The following PTPRD variants were observed in gnomAD, a reference collection of about 807,000 sequenced individuals.
The protein encoded by PTPRD is protein tyrosine phosphatase receptor type D.
PTPRD carries 34 observed loss-of-function variants against 214.5 expected under a neutral mutation model. The observed-to-expected ratio is 0.16, with a 90% CI of 0.12 to 0.21. The LOEUF (loss-of-function observed/expected upper bound fraction) is 0.21, where lower values mean the gene tolerates loss of function less well. Among genes scored for constraint, PTPRD ranks in the 10% least tolerant of loss-of-function variants. PTPRD has a pLI of 1.00. For missense variants in PTPRD, 2,545 were observed against 2,398.7 expected, an observed-to-expected ratio of 1.06 and a Z score of -1.27; for synonymous variants, 1,128 against 845.7, an observed-to-expected ratio of 1.33 and a Z score of -5.79.
chr9:9,494,562 T>C (rs2096082068), intron 8 of PTPRD, among the ~76,000 whole-genome samples: 1 of 152,356 alleles, frequency 6.6e-6, no homozygotes, highest in Middle Eastern at 3.4e-3. Flanking sequence ...GTTGTACTTT[T>C]ATACACTAAC....
At chr9:10,107,019 C>T (rs553935915) in intron 3 of PTPRD, among the ~76,000 whole-genome samples, 49 of 151,794 alleles carry the variant, frequency 3.2e-4, no homozygotes, top group African/African-American at 9.7e-4. Flanking sequence ...AGGAAGAAAT[C>T]GATGATGACA....
chr9:9,789,660 G>C (rs1428808947), intron 5 of PTPRD, among the ~76,000 whole-genome samples: 2 of 151,724 alleles, frequency 1.3e-5, no homozygotes, highest in African/African-American at 4.8e-5. Context: ...AGCTGGGCGT[G>C]GTGGTGGGCG....
At chr9:9,961,854 A>C (rs1364046016) in intron 4 of PTPRD, among the ~76,000 whole-genome samples, 1 of 152,180 alleles carries the variant, frequency 6.6e-6, no homozygotes, top group East Asian at 1.9e-4. Flanking sequence ...TATGTCTCTT[A>C]TTAGTCATGG....
chr9:8,857,565 G>A (rs971419646), intron 11 of PTPRD: 3 of 152,500 alleles, frequency 2.0e-5, no homozygotes, highest in Non-Finnish European at 2.9e-5. Flanking sequence ...GCCGGAGCCG[G>A]GCGCAGGGCG....
At chr9:9,361,457 C>T (rs562872918) in intron 9 of PTPRD, among the ~76,000 whole-genome samples, 1 of 151,098 alleles carries the variant, frequency 6.6e-6, no homozygotes, top group South Asian at 2.1e-4. Context: ...TACCTGATTA[C>T]CTTGTTCATA....
At chr9:8,914,844 G>A (rs2098773437) in intron 11 of PTPRD, among the ~76,000 whole-genome samples, 1 of 151,994 alleles carries the variant, frequency 6.6e-6, no homozygotes, top group African/African-American at 2.4e-5. Context: ...AACATTTACT[G>A]GATTTTATTA....
intron 3 of PTPRD, among the ~76,000 whole-genome samples, chr9:10,038,746 T>G (rs1189802133): frequency 5.9e-5 from 9 of 152,092 alleles, no homozygotes; most frequent in Non-Finnish European, 2.9e-5. Context: ...TATTTTTCTT[T>G]TATTCATCTA....
At chr9:10,318,265 G>A (rs1027290452) in intron 3 of PTPRD, among the ~76,000 whole-genome samples, 3 of 152,012 alleles carry the variant, frequency 2.0e-5, no homozygotes, top group African/African-American at 4.8e-5. Flanking sequence ...CACATAACAA[G>A]AAGTCAGAAG....
At chr9:9,514,404 C>T (rs2096784989) in intron 8 of PTPRD, among the ~76,000 whole-genome samples, 1 of 152,014 alleles carries the variant, frequency 6.6e-6, no homozygotes, top group Non-Finnish European at 1.5e-5. Context: ...GTGTGTAAAA[C>T]ACTAAACAGA....
intron 10 of PTPRD, among the ~76,000 whole-genome samples, chr9:9,182,354 T>C (rs2131462045): frequency 6.6e-6 from 1 of 152,126 alleles, no homozygotes; most frequent in East Asian, 1.9e-4. Context: ...TTCTTTAAAC[T>C]GAGGATGCAA....
chr9:10,319,650 A>G (rs1015801433), intron 3 of PTPRD, among the ~76,000 whole-genome samples: 1 of 152,058 alleles, frequency 6.6e-6, no homozygotes, highest in Admixed American at 6.6e-5. Flanking sequence ...TACAGGATTG[A>G]AAATGAATGA....
intron 10 of PTPRD, among the ~76,000 whole-genome samples, chr9:9,172,946 T>C (rs552255771): frequency 6.6e-6 from 1 of 152,300 alleles, no homozygotes; most frequent in African/African-American, 2.4e-5. Context: ...AAAGATCATC[T>C]TCTGTTCAGA....
At chr9:8,495,392 A>C (rs2097240888) in intron 26 of PTPRD, among the ~76,000 whole-genome samples, 1 of 152,168 alleles carries the variant, frequency 6.6e-6, no homozygotes, top group African/African-American at 2.4e-5. Flanking sequence ...CTACTGCCTC[A>C]ACTCTGTTGC....
At chr9:10,280,829 G>A (rs2095062102) in intron 3 of PTPRD, among the ~76,000 whole-genome samples, 1 of 151,834 alleles carries the variant, frequency 6.6e-6, no homozygotes, top group Non-Finnish European at 1.5e-5. Context: ...TGTCCAGGCT[G>A]GTCTTGAACT....
intron 9 of PTPRD, among the ~76,000 whole-genome samples, chr9:9,257,824 A>C (rs1326227823): frequency 1.3e-5 from 2 of 151,832 alleles, no homozygotes; most frequent in African/African-American, 4.8e-5. Context: ...GAAAATGCCA[A>C]CTCTATGCAA....
chr9:9,987,605 G>T (rs926388259), intron 4 of PTPRD, among the ~76,000 whole-genome samples: 1 of 151,988 alleles, frequency 6.6e-6, no homozygotes, highest in African/African-American at 2.4e-5. Flanking sequence ...ATTTGGGTGG[G>T]GATGTTAGCC....
chr9:10,409,319 G>A (rs1218852456), intron 2 of PTPRD, among the ~76,000 whole-genome samples: 2 of 151,684 alleles, frequency 1.3e-5, no homozygotes, highest in African/African-American at 2.4e-5. Context: ...ATAAAGTTGT[G>A]TAACTAATGG....
At chr9:8,608,951 T>C (rs1378641291) in intron 14 of PTPRD, among the ~76,000 whole-genome samples, 1 of 152,104 alleles carries the variant, frequency 6.6e-6, no homozygotes, top group Non-Finnish European at 1.5e-5. Flanking sequence ...AGACAGGACT[T>C]CGCAAAGAAG....
At chr9:9,674,502 A>C (rs1376354349) in intron 7 of PTPRD, among the ~76,000 whole-genome samples, 1 of 151,964 alleles carries the variant, frequency 6.6e-6, no homozygotes, top group Non-Finnish European at 1.5e-5. Flanking sequence ...TATGTTAATA[A>C]ACCAGCTGAA....
Sources: allele counts gnomAD v4.1 joint callset (sites outside exome capture counted in the v4.1 genomes callset), GRCh38; gene constraint gnomAD v4.1.1; transcripts MANE v1.5; gene names NCBI Gene and HGNC (gene_info 2026-07-23, HGNC 2026-07-21).